The following DAB1 variants were observed in gnomAD, a reference collection of about 807,000 sequenced individuals.
DAB1 encodes the protein disabled homolog 1.
A neutral mutation model predicts 64.6 loss-of-function variants in DAB1; 15 were observed. The observed-to-expected ratio is 0.23, with a 90% CI of 0.16 to 0.36. DAB1 has a LOEUF of 0.36. Ranked by LOEUF, DAB1 falls within the 10% of genes least tolerant of loss-of-function variation. The pLI, the probability that DAB1 is intolerant of heterozygous loss-of-function variation, is 1.00. For missense variants in DAB1, 596 were observed against 706.7 expected, an observed-to-expected ratio of 0.84 and a Z score of 1.78; for synonymous variants, 235 against 251.9, an observed-to-expected ratio of 0.93 and a Z score of 0.64.
chr1:57,143,371 C>A (rs1658797705), intron 3 of DAB1, among the ~76,000 whole-genome samples: 1 of 152,078 alleles, frequency 6.6e-6, no homozygotes, highest in Non-Finnish European at 1.5e-5. Context: ...CTATTAATCA[C>A]TCAGATTTGA....
chr1:58,452,971 A>AT (rs1645155087), intron 3 of DAB1, among the ~76,000 whole-genome samples: 1 of 152,242 alleles, frequency 6.6e-6, no homozygotes, highest in Non-Finnish European at 1.5e-5. Context: ...CATAAATGGT[A>AT]TAACTTCTCT....
chr1:57,979,876 C>T (rs1174198308), intron 5 of DAB1, among the ~76,000 whole-genome samples: 3 of 152,200 alleles, frequency 2.0e-5, no homozygotes, highest in Admixed American at 6.5e-5. Context: ...TTTAAACCCT[C>T]TTCTGAGCTC....
intron 7 of DAB1, among the ~76,000 whole-genome samples, chr1:57,590,762 AC>A (rs1488978966): frequency 7.3e-5 from 11 of 151,552 alleles, no homozygotes; most frequent in Middle Eastern, 3.4e-3. Flanking sequence ...ACACACACAC[AC>A]ACACACACAC....
chr1:57,169,047 C>T (rs1413821675), intron 2 of DAB1, among the ~76,000 whole-genome samples: 1 of 151,956 alleles, frequency 6.6e-6, no homozygotes, highest in Non-Finnish European at 1.5e-5. Context: ...CAGAGTGGGA[C>T]CCTGCCTCAA....
At chr1:58,404,261 A>T (rs112002671) in intron 3 of DAB1, among the ~76,000 whole-genome samples, 12 of 152,106 alleles carry the variant, frequency 7.9e-5, no homozygotes, top group African/African-American at 2.7e-4. Flanking sequence ...TCTTAGGTAC[A>T]CTCTTAGATG....
intron 4 of DAB1, among the ~76,000 whole-genome samples, chr1:57,108,182 T>C (rs1306650594): frequency 6.6e-6 from 1 of 152,144 alleles, no homozygotes. Flanking sequence ...CACAATATAT[T>C]ATCCCCAAAT....
intron 1 of DAB1, among the ~76,000 whole-genome samples, chr1:57,838,069 A>G (rs1652890839): frequency 6.6e-6 from 1 of 151,936 alleles, no homozygotes; most frequent in Non-Finnish European, 1.5e-5. Context: ...TTTGTCACAT[A>G]TCTGGGTTTG....
chr1:58,455,729 CAA>C (rs1213896589), intron 3 of DAB1, among the ~76,000 whole-genome samples: 1 of 152,156 alleles, frequency 6.6e-6, no homozygotes, highest in Non-Finnish European at 1.5e-5. Context: ...CTTTAAAAAA[CAA>C]AAAGACACAA....
chr1:58,010,497 GAGA>G (rs1433109999), intron 5 of DAB1, among the ~76,000 whole-genome samples: 1 of 152,156 alleles, frequency 6.6e-6, no homozygotes, highest in Non-Finnish European at 1.5e-5. Context: ...CTTGTTGCAA[GAGA>G]AGAAGAATGT....
At chr1:57,334,324 T>C (rs142552185) in intron 1 of DAB1, among the ~76,000 whole-genome samples, 1 of 152,354 alleles carries the variant, frequency 6.6e-6, no homozygotes, top group African/African-American at 2.4e-5. Context: ...GTTCAAGTCC[T>C]GACTCTGCCA....
At chr1:58,369,464 G>A (rs1231655197) in intron 3 of DAB1, among the ~76,000 whole-genome samples, 1 of 152,014 alleles carries the variant, frequency 6.6e-6, no homozygotes, top group Non-Finnish European at 1.5e-5. Context: ...TTTCTTAAAG[G>A]CACAAAAATA....
chr1:57,001,485 T>C (rs1452738185), intron 14 of DAB1, among the ~76,000 whole-genome samples: 3 of 152,126 alleles, frequency 2.0e-5, no homozygotes, highest in Non-Finnish European at 4.4e-5. Flanking sequence ...TACCTTCAGG[T>C]CACGTAAATG....
intron 4 of DAB1, among the ~76,000 whole-genome samples, chr1:57,125,833 G>C (rs1416401324): frequency 1.3e-5 from 2 of 152,160 alleles, no homozygotes; most frequent in East Asian, 3.8e-4. Context: ...TTCTGTCTCA[G>C]GGAGATGGTA....
chr1:57,759,169 C>T (rs752678209), intron 6 of DAB1, among the ~76,000 whole-genome samples: 1 of 152,150 alleles, frequency 6.6e-6, no homozygotes, highest in Non-Finnish European at 1.5e-5. Flanking sequence ...GCAGTTTCAT[C>T]ATATTTCTTC....
intron 5 of DAB1, among the ~76,000 whole-genome samples, chr1:57,978,993 A>G (rs1645994204): frequency 6.6e-6 from 1 of 152,204 alleles, no homozygotes; most frequent in Non-Finnish European, 1.5e-5. Flanking sequence ...ACCATTGTGG[A>G]AGACAGTGTG....
intron 11 of DAB1, among the ~76,000 whole-genome samples, chr1:57,020,824 A>G (rs1405483997): frequency 6.6e-6 from 1 of 152,230 alleles, no homozygotes; most frequent in Non-Finnish European, 1.5e-5. Context: ...AGTTATAAAG[A>G]TGAAGAAACT....
At chr1:57,431,781 A>G (rs1685526583) in intron 7 of DAB1, among the ~76,000 whole-genome samples, 1 of 152,140 alleles carries the variant, frequency 6.6e-6, no homozygotes, top group African/African-American at 2.4e-5. Flanking sequence ...CATAAAGTGG[A>G]GCTTAAGGTG....
intron 2 of DAB1, among the ~76,000 whole-genome samples, chr1:57,247,321 G>A (rs1000702161): frequency 2.0e-5 from 3 of 152,134 alleles, no homozygotes; most frequent in Non-Finnish European, 4.4e-5. Context: ...ATTTGAAAGT[G>A]TGTGATATGT....
intron 1 of DAB1, among the ~76,000 whole-genome samples, chr1:57,332,623 G>A (rs1473386475): frequency 1.3e-5 from 2 of 152,158 alleles, no homozygotes; most frequent in Non-Finnish European, 2.9e-5. Flanking sequence ...ACAGATAAAT[G>A]TATCAGGTAA....
Sources: allele counts gnomAD v4.1 joint callset (sites outside exome capture counted in the v4.1 genomes callset), GRCh38; gene constraint gnomAD v4.1.1; transcripts MANE v1.5; gene names NCBI Gene and HGNC (gene_info 2026-07-23, HGNC 2026-07-21).